The following KATNAL2 variants were observed in gnomAD, a reference collection of about 807,000 sequenced individuals.
The protein encoded by KATNAL2 is katanin catalytic subunit A1 like 2, also known as katanin p60 ATPase-containing subunit A-like 2.
A neutral mutation model predicts 76.3 loss-of-function variants in KATNAL2; 52 were observed. The observed-to-expected ratio is 0.68, with a 90% CI of 0.55 to 0.86. The LOEUF (loss-of-function observed/expected upper bound fraction) is 0.86, where lower values mean the gene tolerates loss of function less well. Among genes scored for constraint, KATNAL2 ranks in the 40% least tolerant of loss-of-function variants. The pLI is 0.00. For synonymous variants in KATNAL2, 243 were observed against 244.2 expected (o/e 1.00, Z 0.05); for missense variants, 660 against 668.9 (o/e 0.99, Z 0.15).
At chr18:46,961,275 G>C (rs548955188) in intron 3 of KATNAL2, among the ~76,000 whole-genome samples, 1 of 151,944 alleles carries the variant, frequency 6.6e-6, no homozygotes, top group Non-Finnish European at 1.5e-5. Context: ...AACTAGGCAA[G>C]GTGGCAGGGG....
intron 1 of KATNAL2, among the ~76,000 whole-genome samples, chr18:46,929,590 G>A (rs1242582727): frequency 6.6e-6 from 1 of 152,108 alleles, no homozygotes; most frequent in Non-Finnish European, 1.5e-5. Context: ...TGTATGAATA[G>A]ACCCCAACTT....
In KATNAL2 at chr18:47,043,820, CAAA is replaced by C. The variant is rs10579981; in HGVS notation, c.52-2625_52-2623del. On this transcript the variant is annotated intron_variant, in intron 3 of 17. Transcript: ENST00000683218. ...ATAAAAATGGGGTGGTTATTCATTT[CAAA>C]AAAAAAAAAAATGTACAGAAATGGA... 2.2e-3 allele frequency among the ~76,000 whole-genome samples: 325 copies of C among 144,614 alleles called. 2 individuals are homozygous for C. The highest frequency in any genetic ancestry group is 7.5e-3 in the Admixed American group (111 of 14,816). The allele number at this position is 144,614 out of a possible 152,430, so 94.9% of individuals were successfully genotyped here.
At position 47,100,298 on chromosome 18, in the gene KATNAL2, G is replaced by A. The variant is rs1345502150; in HGVS notation, c.1419G>A (p.Arg473=). ...YSGSDIKLVC[R]EAAMRPVRKI... ...GCTCAGATATTAAGCTCGTCTGCAG[G>A]GAAGCAGCCATGCGGCCCGTGAGGA... The change falls in exon 17 of 18, where the codon AGG becomes AGA. Residue 473 remains arginine (R), a synonymous_variant. Coordinates refer to ENST00000683218, the MANE Select transcript of KATNAL2 (RefSeq NM_001387690.1). The A allele has an allele frequency of 1.2e-6, 2 of 1,614,026 alleles. No individual in the cohort carries two copies. The highest frequency in any genetic ancestry group is 8.5e-7 in the Non-Finnish European group (1 of 1,180,000).
chr18:46,940,521 A>G (rs1263818216), intron 1 of KATNAL2, among the ~76,000 whole-genome samples: 3 of 152,190 alleles, frequency 2.0e-5, no homozygotes, highest in Admixed American at 1.3e-4. Flanking sequence ...TTAACAATAT[A>G]TATTCAGAGA....
At chr18:47,032,062 G>A (rs891060403) in intron 3 of KATNAL2, among the ~76,000 whole-genome samples, 2 of 152,140 alleles carry the variant, frequency 1.3e-5, no homozygotes, top group East Asian at 1.9e-4. Flanking sequence ...AATCTGATTG[G>A]CCTCTTTAGA....
chr18:47,054,457 C>T lies in KATNAL2; in HGVS notation c.332+19C>T. 1.9e-6 allele frequency: 3 copies of T among 1,610,710 alleles called. No homozygotes were observed. Among genetic ancestry groups the T allele is most frequent in the Non-Finnish European group, 2.5e-6 (3 of 1,176,994 alleles). ...CCAGAAGGTAAAGTGAATGGTAATT[C>T]TTCTTAATCGACTCGGCTCGAGGAG... is the stretch of plus-strand genomic sequence containing the variant. On this transcript the variant is annotated intron_variant, in intron 6 of 17. Transcript: ENST00000683218.
intron 11 of KATNAL2, among the ~76,000 whole-genome samples, chr18:47,067,635 G>C (rs938583210): frequency 2.6e-5 from 4 of 152,174 alleles, no homozygotes; most frequent in African/African-American, 9.7e-5. Context: ...ACAAATCTCT[G>C]TGCAGTTTAC....
intron 15 of KATNAL2, among the ~76,000 whole-genome samples, chr18:47,096,503 G>T (rs147901508): frequency 0.013 from 2,015 of 152,116 alleles, 28 homozygotes; most frequent in Middle Eastern, 0.02. Context: ...CACCACACCC[G>T]GCTAATTTTT....
intron 3 of KATNAL2, among the ~76,000 whole-genome samples, chr18:46,961,682 C>T (rs763457858): frequency 6.6e-6 from 1 of 152,202 alleles, no homozygotes; most frequent in Non-Finnish European, 1.5e-5. Context: ...TTTTTGACCA[C>T]CAATTTTTGA....
At chr18:46,927,644 T>G (rs1406159474) in intron 1 of KATNAL2, among the ~76,000 whole-genome samples, 3 of 152,332 alleles carry the variant, frequency 2.0e-5, no homozygotes, top group Admixed American at 2.0e-4. Context: ...CTTGCTAGAT[T>G]GGGGAAGTTC....
intron 1 of KATNAL2, among the ~76,000 whole-genome samples, chr18:46,925,279 T>A (rs1189500307): frequency 2.6e-5 from 4 of 152,040 alleles, no homozygotes; most frequent in Non-Finnish European, 4.4e-5. Context: ...TTATTGAGAG[T>A]TTTTAGCATG....
At chr18:47,082,863 TC>T (rs1347307078) in intron 15 of KATNAL2, among the ~76,000 whole-genome samples, 2 of 152,122 alleles carry the variant, frequency 1.3e-5, no homozygotes, top group African/African-American at 2.4e-5. Flanking sequence ...CTGCCAAGTT[TC>T]CCCCCGCAGA....
rs115144944 is a variant in KATNAL2 at position 47,069,619 on chromosome 18, G to A, written c.1008+19G>A. 1,166 of 1,547,872 alleles carry A rather than the reference G, an allele frequency of 7.5e-4. 8 individuals are homozygous for A. In the African/African-American group the frequency reaches 0.015, roughly 20 times the overall value. On this transcript the variant is annotated intron_variant, in intron 13 of 17. Transcript: ENST00000683218. Reference sequence around the variant, plus strand: ...CGTTCGGGTAGGAATTCTTAATTTTGTTTTTAAAAATAAGTTCTAGTGTAA... The same window carrying A: ...CGTTCGGGTAGGAATTCTTAATTTTATTTTTAAAAATAAGTTCTAGTGTAA...
chr18:46,918,076 G>A (rs2058200615), intron 1 of KATNAL2, 150 bp downstream of exon 1: 1 of 151,200 alleles, frequency 6.6e-6, no homozygotes, highest in African/African-American at 2.5e-5. Context: ...AGGCGGTGGG[G>A]TTGGGGGCGG....
At chr18:47,033,715 C>T in intron 3 of KATNAL2, 1 of 1,614,190 alleles carries the variant, frequency 6.2e-7, no homozygotes, top group Non-Finnish European at 8.5e-7. Context: ...AGGCCTGGAG[C>T]CCGAGTACAC....
chr18:46,965,569 T>G (rs1211817709), intron 3 of KATNAL2, among the ~76,000 whole-genome samples: 2 of 120,342 alleles, frequency 1.7e-5, no homozygotes, highest in African/African-American at 2.9e-5. Flanking sequence ...GCAGAATCCC[T>G]CTAGCATCCC....
At chr18:47,077,932 CTTATTTAA>C (rs766578059) in intron 15 of KATNAL2, among the ~76,000 whole-genome samples, 109 of 152,130 alleles carry the variant, frequency 7.2e-4, no homozygotes, top group Admixed American at 1.8e-3. Context: ...CTCTCAGAGT[CTTATTTAA>C]ACAGTGTCCC....
At chr18:47,063,226 T>G in intron 9 of KATNAL2, 58 bp from the exon 10 acceptor site, 1 of 1,567,416 alleles carries the variant, frequency 6.4e-7, no homozygotes, top group Non-Finnish European at 8.8e-7. Flanking sequence ...ATGCCCGGGG[T>G]TTCTTCCTAA....
At chr18:47,063,490 G>T in intron 10 of KATNAL2, 129 bp downstream of exon 10, 1 of 639,004 alleles carries the variant, frequency 1.6e-6, no homozygotes, top group Non-Finnish European at 2.7e-6. Flanking sequence ...ACTTGCGCAG[G>T]CACTCATATT....
Sources: gnomAD v4.1 joint callset for allele counts (sites outside exome capture counted in the v4.1 genomes callset) on GRCh38, gnomAD v4.1.1 for gene constraint, MANE v1.5 for transcripts, NCBI Gene and HGNC (gene_info 2026-07-23, HGNC 2026-07-21) for gene names.